Variants in EEIG1 observed in about 807,000 individuals in gnomAD.
EEIG1 encodes early estrogen-induced gene 1 protein.
the EEIG1 span, among the ~76,000 whole-genome samples, chr9:127,949,112 G>A: frequency 3.3e-5 from 5 of 152,086 alleles, no homozygotes; most frequent in East Asian, 1.9e-4. Flanking sequence ...TCAGGGGCTC[G>A]AGACCATCCT....
chr9:127,942,472 G>C, the EEIG1 span: 1 of 152,608 alleles, frequency 6.6e-6, no homozygotes, highest in Non-Finnish European at 1.5e-5. Context: ...GGGGAGGTGA[G>C]GGGCCAGTGG....
chr9:127,950,941 G>A, the EEIG1 span, among the ~76,000 whole-genome samples: 15 of 152,218 alleles, frequency 9.9e-5, no homozygotes, highest in African/African-American at 3.4e-4. Flanking sequence ...GGGTGCTGGG[G>A]AAAGTGATGG....
chr9:127,974,741 C>T, the EEIG1 span, among the ~76,000 whole-genome samples: 1 of 152,160 alleles, frequency 6.6e-6, no homozygotes, highest in South Asian at 2.1e-4. Context: ...AGCTCACTGC[C>T]CCCACCTAGC....
the EEIG1 span, chr9:127,945,856 C>T: frequency 9.2e-6 from 7 of 760,292 alleles, no homozygotes; most frequent in East Asian, 5.4e-5. This position sits in a 1 kb window ranked among gnomAD's most constrained non-coding sequence, Gnocchi z 6.5. Flanking sequence ...CATGGCAGGG[C>T]GCCATTTAAC....
At chr9:127,973,854 A>G in the EEIG1 span, among the ~76,000 whole-genome samples, 1 of 152,182 alleles carries the variant, frequency 6.6e-6, no homozygotes, top group Admixed American at 6.5e-5. The surrounding 1 kb of genome is among the most constrained non-coding windows in gnomAD (Gnocchi z 4.2). Context: ...CTAAGGCAGC[A>G]CACATCAGAC....
chr9:127,976,139 G>A, the EEIG1 span, among the ~76,000 whole-genome samples: 3 of 152,222 alleles, frequency 2.0e-5, no homozygotes, highest in African/African-American at 7.2e-5. The surrounding 1 kb of genome is among the most constrained non-coding windows in gnomAD (Gnocchi z 4.1). Context: ...CTTTCTCAAA[G>A]GTCTGGGGCT....
the EEIG1 span, among the ~76,000 whole-genome samples, chr9:127,963,229 T>C: frequency 6.6e-5 from 10 of 152,358 alleles, no homozygotes; most frequent in East Asian, 1.9e-3. Context: ...AGGCTGCTTA[T>C]AAGCAAAAGG....
the EEIG1 span, chr9:127,950,751 T>G: frequency 1.5e-6 from 2 of 1,366,540 alleles, no homozygotes; most frequent in Admixed American, 6.2e-5. Flanking sequence ...GGAACTCACA[T>G]CCCTGAGCTG....
chr9:127,945,397 C>A, the EEIG1 span: 1 of 1,586,572 alleles, frequency 6.3e-7, no homozygotes, highest in African/African-American at 1.3e-5. This position sits in a 1 kb window ranked among gnomAD's most constrained non-coding sequence, Gnocchi z 6.5. Context: ...ATGCAGGGGC[C>A]GGGGTGGCCG....
chr9:127,968,278 C>T, the EEIG1 span, among the ~76,000 whole-genome samples: 14,083 of 152,032 alleles, frequency 0.093, 709 homozygotes, highest in African/African-American at 0.11. Flanking sequence ...AGGGCCTGGC[C>T]CCTCGAATGA....
At chr9:127,957,294 G>A in the EEIG1 span, among the ~76,000 whole-genome samples, 1 of 149,706 alleles carries the variant, frequency 6.7e-6, no homozygotes, top group South Asian at 2.1e-4. Flanking sequence ...CAGGATACAA[G>A]ATCAATATAC....
At chr9:127,948,387 C>A in the EEIG1 span, 1 of 1,614,144 alleles carries the variant, frequency 6.2e-7, no homozygotes, top group Non-Finnish European at 8.5e-7. Flanking sequence ...CAGGGATCTC[C>A]AGAGAGCAGG....
chr9:127,959,443 A>G, the EEIG1 span, among the ~76,000 whole-genome samples: 1 of 152,236 alleles, frequency 6.6e-6, no homozygotes, highest in East Asian at 1.9e-4. Context: ...GAATAGGCAA[A>G]TCCATAGTGA....
At chr9:127,971,674 A>G in the EEIG1 span, among the ~76,000 whole-genome samples, 1 of 152,168 alleles carries the variant, frequency 6.6e-6, no homozygotes, top group African/African-American at 2.4e-5. Context: ...GGAAGCCCCA[A>G]GACCAAGATG....
At chr9:127,948,090 C>A in the EEIG1 span, 1 of 1,611,968 alleles carries the variant, frequency 6.2e-7, no homozygotes, top group Non-Finnish European at 8.5e-7. Flanking sequence ...GAATAGTGGG[C>A]CGAGCCTTGG....
At chr9:127,961,610 A>C in the EEIG1 span, among the ~76,000 whole-genome samples, 1 of 152,204 alleles carries the variant, frequency 6.6e-6, no homozygotes, top group African/African-American at 2.4e-5. Flanking sequence ...AGACAGACAA[A>C]ACCAGGCAAA....
the EEIG1 span, among the ~76,000 whole-genome samples, chr9:127,972,915 C>T: frequency 2.0e-5 from 3 of 152,298 alleles, no homozygotes; most frequent in African/African-American, 7.2e-5. This position sits in a 1 kb window ranked among gnomAD's most constrained non-coding sequence, Gnocchi z 4.3. Context: ...TACTGAGCCA[C>T]GGACAGCAGT....
At chr9:127,953,854 G>A in the EEIG1 span, 12 of 1,613,976 alleles carry the variant, frequency 7.4e-6, no homozygotes, top group South Asian at 2.2e-5. Context: ...GCCGGTGGCC[G>A]GGTTAGCACT....
chr9:127,952,055 G>T, the EEIG1 span, among the ~76,000 whole-genome samples: 1 of 152,226 alleles, frequency 6.6e-6, no homozygotes, highest in African/African-American at 2.4e-5. Context: ...TGTGCTGGGT[G>T]CCTGGTAAAT....
Sources: allele counts gnomAD v4.1 joint callset (sites outside exome capture counted in the v4.1 genomes callset), GRCh38; gene constraint gnomAD v4.1.1; non-coding constraint Gnocchi (gnomAD v3.1); transcripts MANE v1.5; gene names NCBI Gene and HGNC (gene_info 2026-07-23, HGNC 2026-07-21).